The following EPM2A variants were observed in gnomAD, a reference collection of about 807,000 sequenced individuals.
EPM2A encodes the protein laforin.
A neutral mutation model predicts 26.5 loss-of-function variants in EPM2A; 21 were observed. The observed-to-expected ratio is 0.79, with a 90% CI of 0.56 to 1.14. The LOEUF is 1.14. Ranked by LOEUF, EPM2A falls within the 50% of genes most tolerant of loss-of-function variation. The pLI is 0.00. For synonymous variants in EPM2A, 217 were observed against 177.6 expected (o/e 1.22, Z -1.76); for missense variants, 458 against 440.8 (o/e 1.04, Z -0.35).
intron 3 of EPM2A, chr6:145,633,927 T>C (rs765536058): frequency 2.0e-5 from 3 of 152,182 alleles, no homozygotes; most frequent in East Asian, 1.9e-4. Flanking sequence ...TTCTATGACA[T>C]GGGCAATAAC....
At chr6:145,383,615 A>G (rs572390323) in exon 5 of EPM2A, 4 of 152,232 alleles carry the variant, frequency 2.6e-5, no homozygotes, top group Non-Finnish European at 4.4e-5. Context: ...GATCCACCCC[A>G]ATGATTCAAT....
chr6:145,486,996 C>T (rs1779686337), intron 4 of EPM2A, among the ~76,000 whole-genome samples: 1 of 152,086 alleles, frequency 6.6e-6, no homozygotes, highest in South Asian at 2.1e-4. Context: ...CCTCCTCTCA[C>T]CCTCCACCCT....
At chr6:145,487,847 T>G (rs1189204715) in intron 4 of EPM2A, among the ~76,000 whole-genome samples, 1 of 152,192 alleles carries the variant, frequency 6.6e-6, no homozygotes, top group Non-Finnish European at 1.5e-5. Flanking sequence ...CAATTTTTGC[T>G]TTCATTGCAA....
intron 1 of EPM2A, among the ~76,000 whole-genome samples, chr6:145,720,586 A>C (rs565155500): frequency 6.6e-6 from 1 of 152,252 alleles, no homozygotes; most frequent in South Asian, 2.1e-4. Context: ...GGGGTTCCAG[A>C]TTGTTCCAGT....
chr6:145,481,204 T>C (rs980817268), intron 4 of EPM2A, among the ~76,000 whole-genome samples: 2 of 152,158 alleles, frequency 1.3e-5, no homozygotes, highest in African/African-American at 4.8e-5. Flanking sequence ...ACTAATCTTT[T>C]ATATCCTTTG....
chr6:145,671,416 T>C, intron 2 of EPM2A: 2 of 992,278 alleles, frequency 2.0e-6, no homozygotes, highest in Non-Finnish European at 2.4e-6. Flanking sequence ...GCAGAGAAGC[T>C]GATATGAACT....
At chr6:145,673,922 C>G (rs986632371) in intron 2 of EPM2A, among the ~76,000 whole-genome samples, 1 of 152,158 alleles carries the variant, frequency 6.6e-6, no homozygotes, top group Non-Finnish European at 1.5e-5. Flanking sequence ...CTGAAGAGAG[C>G]AGTGGTTCTC....
intron 4 of EPM2A, among the ~76,000 whole-genome samples, chr6:145,475,713 A>C (rs938170617): frequency 1.4e-4 from 22 of 152,200 alleles, no homozygotes; most frequent in African/African-American, 4.8e-4. Flanking sequence ...AATAGTGTTA[A>C]GTAGTTATCA....
intron 2 of EPM2A, among the ~76,000 whole-genome samples, chr6:145,674,600 T>C (rs966963776): frequency 1.3e-5 from 2 of 152,078 alleles, no homozygotes; most frequent in African/African-American, 4.8e-5. Context: ...TAAAATGACC[T>C]GACGGAGCTG....
rs192936288 is a variant in EPM2A, at chr6:145,569,906, G to A, written c.340+65339C>T. ...TAAATATCAACTCACATGATCACAA[G>A]GTCCCACAATAGGCTGTCTGCAGGC... On this transcript the variant is annotated intron_variant, in intron 2 of 3. Coordinates refer to the EPM2A transcript ENST00000450221. 7.0e-4 allele frequency among the ~76,000 whole-genome samples: 106 copies of A among 152,114 alleles called. 2 individuals are homozygous for A. The highest frequency in any genetic ancestry group is 3.2e-3 in the Admixed American group (49 of 15,272).
chr6:145,565,884 T>C (rs1045617205), intron 2 of EPM2A, among the ~76,000 whole-genome samples: 1 of 152,096 alleles, frequency 6.6e-6, no homozygotes, highest in African/African-American at 2.4e-5. Flanking sequence ...CACTGCTGCA[T>C]AAGATATGAG....
intron 4 of EPM2A, among the ~76,000 whole-genome samples, chr6:145,425,390 CT>C (rs1778842410): frequency 6.6e-6 from 1 of 151,964 alleles, no homozygotes; most frequent in Non-Finnish European, 1.5e-5. Context: ...GGCCAGGCTG[CT>C]CTTGAACCCC....
chr6:145,572,059 T>C (rs1384627880), intron 2 of EPM2A, among the ~76,000 whole-genome samples: 1 of 152,236 alleles, frequency 6.6e-6, no homozygotes, highest in Non-Finnish European at 1.5e-5. Context: ...CTACAGTGCA[T>C]GAATTAGTAT....
chr6:145,510,563 A>G (rs1346944826), intron 2 of EPM2A, among the ~76,000 whole-genome samples: 1 of 152,214 alleles, frequency 6.6e-6, no homozygotes, highest in Non-Finnish European at 1.5e-5. Flanking sequence ...GACACAACAT[A>G]CCAAAACCTC....
At chr6:145,535,701 G>C (rs1208081024) in intron 2 of EPM2A, among the ~76,000 whole-genome samples, 1 of 152,258 alleles carries the variant, frequency 6.6e-6, no homozygotes, top group African/African-American at 2.4e-5. Context: ...CCATTCTACA[G>C]TTAGAAGTTC....
chr6:145,513,962 T>C (rs552328396), intron 2 of EPM2A, among the ~76,000 whole-genome samples: 1 of 152,322 alleles, frequency 6.6e-6, no homozygotes, highest in Admixed American at 6.5e-5. Flanking sequence ...TTTCTATCTA[T>C]TGACTGAAGC....
chr6:145,421,941 C>T (rs908472544), intron 4 of EPM2A, among the ~76,000 whole-genome samples: 1 of 149,852 alleles, frequency 6.7e-6, no homozygotes, highest in Non-Finnish European at 1.5e-5. Context: ...CATAACCATA[C>T]CTTCAAAGTA....
intron 2 of EPM2A, among the ~76,000 whole-genome samples, chr6:145,616,940 A>T (rs1429551576): frequency 6.6e-6 from 1 of 152,130 alleles, no homozygotes; most frequent in African/African-American, 2.4e-5. Context: ...GTGTCAGATG[A>T]GACTTTGGAC....
chr6:145,408,434 T>C (rs1162392585), intron 4 of EPM2A, among the ~76,000 whole-genome samples: 1 of 152,096 alleles, frequency 6.6e-6, no homozygotes, highest in Admixed American at 6.6e-5. Flanking sequence ...TTGAGACCAG[T>C]TGGTTGTGTT....
Sources: gnomAD v4.1 joint callset for allele counts (sites outside exome capture counted in the v4.1 genomes callset) on GRCh38, gnomAD v4.1.1 for gene constraint, MANE v1.5 for transcripts, NCBI Gene and HGNC (gene_info 2026-07-23, HGNC 2026-07-21) for gene names.